GALNT1: variants seen among roughly 807,000 people sequenced by gnomAD.
GALNT1 encodes GalNAc transferase 1.
A neutral mutation model predicts 65.7 loss-of-function variants in GALNT1; 17 were observed. The ratio of observed to expected loss-of-function variants is 0.26; its 90% confidence interval spans 0.18 to 0.39. GALNT1 has a LOEUF of 0.39. Ranked by LOEUF, GALNT1 falls within the 10% of genes least tolerant of loss-of-function variation. The pLI is 1.00. For synonymous variants in GALNT1, 210 were observed against 219.7 expected, an observed-to-expected ratio of 0.96 and a Z score of 0.39; for missense variants, 460 against 672.8, an observed-to-expected ratio of 0.68 and a Z score of 3.50.
At chr18:35,689,437 T>A in intron 7 of GALNT1, 147 bp downstream of exon 7, 1 of 592,826 alleles carries the variant, frequency 1.7e-6, no homozygotes, top group Non-Finnish European at 3.0e-6. Context: ...TAAAAAGGAC[T>A]GATAGTAAGG....
At chr18:35,589,394 G>A (rs887381777) in intron 1 of GALNT1, among the ~76,000 whole-genome samples, 6 of 152,112 alleles carry the variant, frequency 3.9e-5, no homozygotes, top group African/African-American at 1.4e-4. Flanking sequence ...TCGGGGTAAG[G>A]CTACAGTTTT....
chr18:35,683,594 G>C lies in GALNT1; in HGVS notation c.685G>C (p.Asp229His). 1 of 1,613,100 alleles carries C rather than the reference G, an allele frequency of 6.2e-7. No individual in the cohort carries two copies. Among genetic ancestry groups the C allele is most frequent in the Admixed American group, 1.7e-5 (1 of 59,924 alleles). Residue 229 changes from aspartate to histidine, a missense_variant, in exon 5 of 12, where the codon GAC (aspartate) becomes CAC (histidine). Transcript: ENST00000269195. ...GCCTCTCTTGGCCAGGATCAAACAT[G>C]ACAGGTAATTTTCTGGTGTCTGTAA... ...LEPLLARIKH[D>H]RRTVVCPIID...
At chr18:35,669,056 A>G (rs894725782) in intron 3 of GALNT1, among the ~76,000 whole-genome samples, 2 of 152,184 alleles carry the variant, frequency 1.3e-5, no homozygotes, top group Non-Finnish European at 2.9e-5. Context: ...CCTAGCTAAC[A>G]TGGTGAAACC....
intron 2 of GALNT1, among the ~76,000 whole-genome samples, chr18:35,656,437 A>G (rs1271235040): frequency 6.6e-6 from 1 of 152,262 alleles, no homozygotes; most frequent in African/African-American, 2.4e-5. Flanking sequence ...AGGAATGTGC[A>G]CAAGAGTAGA....
intron 1 of GALNT1, among the ~76,000 whole-genome samples, chr18:35,652,289 T>C (rs1186813822): frequency 6.6e-6 from 1 of 152,200 alleles, no homozygotes; most frequent in Non-Finnish European, 1.5e-5. Context: ...ACATTCTTTC[T>C]TTGTTATCTC....
intron 2 of GALNT1, among the ~76,000 whole-genome samples, chr18:35,655,480 T>TG (rs2047370448): frequency 6.6e-6 from 1 of 151,406 alleles, no homozygotes; most frequent in Non-Finnish European, 1.5e-5. Context: ...AAACAAATGT[T>TG]GCCATTTTTT....
chr18:35,697,752 C>T (rs8095546), intron 9 of GALNT1, among the ~76,000 whole-genome samples: 38,013 of 152,086 alleles, frequency 0.25, 5,697 homozygotes, highest in African/African-American at 0.42. Flanking sequence ...AAGTCAGACA[C>T]TGCTGTGATT....
intron 2 of GALNT1, among the ~76,000 whole-genome samples, chr18:35,661,438 T>G (rs1471769965): frequency 6.6e-6 from 1 of 151,594 alleles, no homozygotes; most frequent in African/African-American, 2.4e-5. Context: ...AGACAAAGGT[T>G]GCAGTGAGCC....
In GALNT1 at chr18:35,657,715, G is replaced by A. The variant is rs550867396; in HGVS notation, c.139+2914G>A. Among the ~76,000 whole-genome samples, 5 of 152,280 alleles carry A rather than the reference G, an allele frequency of 3.3e-5. No homozygotes were observed. In the South Asian group the frequency reaches 1.0e-3, roughly 32 times the overall value. On this transcript the variant is annotated intron_variant, in intron 2 of 11. Transcript: ENST00000269195. ...GATAGTTTGGTATGGGGCTTCTTGT[G>A]ACCCTGGCAAGTGTCATTTCAGGGA...
intron 4 of GALNT1, among the ~76,000 whole-genome samples, chr18:35,681,628 A>G (rs2047788141): frequency 6.6e-6 from 1 of 152,118 alleles, no homozygotes; most frequent in Admixed American, 6.6e-5. Context: ...CGCATTGTTT[A>G]TGACACATCC....
chr18:35,684,621 G>A (rs1163247076), intron 5 of GALNT1, among the ~76,000 whole-genome samples: 1 of 152,298 alleles, frequency 6.6e-6, no homozygotes, highest in Non-Finnish European at 1.5e-5. Context: ...TCCAGTTTGG[G>A]CTGCATGGTG....
intron 1 of GALNT1, among the ~76,000 whole-genome samples, chr18:35,598,583 A>G (rs558959543): frequency 6.6e-6 from 1 of 152,304 alleles, no homozygotes; most frequent in East Asian, 1.9e-4. Context: ...TGGCTGAATA[A>G]TATTCCATTC....
Position 35,709,580 on chromosome 18 carries a change from TTTTGTTTTC to T in GALNT1, c.1534-41_1534-33del. The stretch of plus-strand genomic sequence containing the variant: ...ATCACCAAAACTGATGCTTGAGGTG[TTTTGTTTTC>T]TTCCACTCTCATGTTAAGATTTTTT... On this transcript the variant is annotated intron_variant, in intron 11 of 11. Transcript: ENST00000269195. 4 of 1,602,776 alleles carry T rather than the reference TTTTGTTTTC, an allele frequency of 2.5e-6. No individual in the cohort carries two copies. In the African/African-American group the frequency reaches 5.4e-5, roughly 21 times the overall value.
chr18:35,605,490 C>CA (rs1175947462), intron 1 of GALNT1, among the ~76,000 whole-genome samples: 2,119 of 115,758 alleles, frequency 0.018, 36 homozygotes, highest in African/African-American at 0.056. Context: ...GACTCTGTCT[C>CA]AAAAAAAAAA....
At chr18:35,689,854 G>GA (rs2047929243) in intron 7 of GALNT1, among the ~76,000 whole-genome samples, 1 of 152,070 alleles carries the variant, frequency 6.6e-6, no homozygotes, top group Non-Finnish European at 1.5e-5. Flanking sequence ...GCATATTTTT[G>GA]CAAATAACCA....
chr18:35,677,869 C>A, intron 4 of GALNT1, 112 bp downstream of exon 4: 1 of 746,848 alleles, frequency 1.3e-6, no homozygotes, highest in Non-Finnish European at 2.0e-6. Flanking sequence ...CTAATTTATC[C>A]CAAAAATATG....
intron 1 of GALNT1, among the ~76,000 whole-genome samples, chr18:35,629,584 A>T (rs2046974947): frequency 6.6e-6 from 1 of 152,224 alleles, no homozygotes; most frequent in Non-Finnish European, 1.5e-5. Context: ...CATGGAAAGG[A>T]AGAACCGGTA....
intron 1 of GALNT1, among the ~76,000 whole-genome samples, chr18:35,593,333 G>C (rs942644568): frequency 3.3e-5 from 5 of 152,172 alleles, no homozygotes; most frequent in African/African-American, 1.2e-4. Flanking sequence ...TTTTAGCAGA[G>C]GCGGAAGAGC....
intron 1 of GALNT1, chr18:35,591,945 G>A (rs2046449685): frequency 6.5e-6 from 1 of 154,384 alleles, no homozygotes; most frequent in Admixed American, 6.5e-5. Context: ...AACAGAGTTT[G>A]AGAAGAGTTA....
Sources: gnomAD v4.1 joint callset for allele counts (sites outside exome capture counted in the v4.1 genomes callset) on GRCh38, gnomAD v4.1.1 for gene constraint, MANE v1.5 for transcripts, NCBI Gene and HGNC (gene_info 2026-07-23, HGNC 2026-07-21) for gene names.